CCDC38: variants seen among roughly 807,000 people sequenced by gnomAD.
CCDC38 encodes the protein coiled-coil domain-containing protein 38.
CCDC38 carries 69 observed loss-of-function variants against 72.8 expected under a neutral mutation model. The observed-to-expected ratio is 0.95, with a 90% CI of 0.78 to 1.16. CCDC38 has a LOEUF of 1.16. CCDC38 is among the 50% of genes most tolerant of loss of function. The probability of loss-of-function intolerance (pLI) is 0.00; values close to 1 mark genes in which losing one functional copy is unlikely to be tolerated. For synonymous variants in CCDC38, 201 were observed against 213.2 expected (o/e 0.94, Z 0.50); for missense variants, 626 against 638.9 (o/e 0.98, Z 0.22).
At chr12:95,907,847 G>T (rs1348803268) in intron 4 of CCDC38, among the ~76,000 whole-genome samples, 1 of 151,394 alleles carries the variant, frequency 6.6e-6, no homozygotes, top group East Asian at 2.0e-4. Context: ...ACGATGGGTG[G>T]CCGGGCAGAG....
intron 2 of CCDC38, among the ~76,000 whole-genome samples, chr12:95,920,160 C>T (rs1049003611): frequency 3.9e-5 from 6 of 152,160 alleles, no homozygotes; most frequent in Non-Finnish European, 8.8e-5. Flanking sequence ...TCCCATGTGT[C>T]ATGGGAGGGA....
intron 5 of CCDC38, chr12:95,903,550 T>C (rs1270562955): frequency 1.5e-6 from 1 of 680,998 alleles, no homozygotes; most frequent in South Asian, 1.6e-5. Flanking sequence ...TTTTATAAAG[T>C]TGAGGAACTT....
At chr12:95,929,416 C>T (rs1467635634) in intron 2 of CCDC38, among the ~76,000 whole-genome samples, 1 of 152,198 alleles carries the variant, frequency 6.6e-6, no homozygotes, top group Non-Finnish European at 1.5e-5. Context: ...TGTGCATGCA[C>T]CCACTGACCT....
intron 1 of CCDC38, among the ~76,000 whole-genome samples, chr12:95,941,885 C>T (rs930769059): frequency 2.2e-5 from 3 of 137,950 alleles, no homozygotes; most frequent in African/African-American, 5.3e-5. Flanking sequence ...GTCTCTTTCA[C>T]TCACATTGTC....
intron 7 of CCDC38, among the ~76,000 whole-genome samples, chr12:95,896,854 A>G (rs907367612): frequency 6.6e-6 from 1 of 152,328 alleles, no homozygotes; most frequent in Non-Finnish European, 1.5e-5. Flanking sequence ...CGATCAAGTT[A>G]TCTTCAGCAA....
rs146332701 is a variant in CCDC38, at chr12:95,888,482, C to A, written c.896G>T (p.Arg299Leu). The change falls in exon 10 of 16, where the codon CGC becomes CTC. Residue 299 changes from arginine to leucine, a missense_variant. Arg to Leu is a moderately radical substitution (Grantham distance 102). Coordinates refer to ENST00000344280, the MANE Select transcript of CCDC38 (RefSeq NM_182496.3). ...CTTTGATTTCTTTTTCTCTGGAGTG[C>A]GAGTCAGGCTTCTGCTTGGCTTTCC... ...SQGKPSRSLT[R>L]TPEKKKSNLA... is the part of the protein sequence containing the mutation. 2 of 1,613,768 alleles carry A rather than the reference C, an allele frequency of 1.2e-6. No homozygotes were observed. The highest frequency in any genetic ancestry group is 1.6e-4 in the Middle Eastern group (1 of 6,074).
chr12:95,932,923 T>C (rs993694673), intron 2 of CCDC38, among the ~76,000 whole-genome samples: 1 of 152,060 alleles, frequency 6.6e-6, no homozygotes, highest in Non-Finnish European at 1.5e-5. Context: ...AGAATGGAAA[T>C]CTCAGGAACA....
intron 2 of CCDC38, among the ~76,000 whole-genome samples, chr12:95,923,639 C>T (rs550229418): frequency 6.6e-6 from 1 of 152,058 alleles, no homozygotes; most frequent in Non-Finnish European, 1.5e-5. Flanking sequence ...TGTGCTGCAC[C>T]CACTAACTCG....
At chr12:95,876,466 ATAG>A (rs2079636446) in intron 13 of CCDC38, among the ~76,000 whole-genome samples, 1 of 152,218 alleles carries the variant, frequency 6.6e-6, no homozygotes, top group East Asian at 1.9e-4. Context: ...AGTTGTGGAA[ATAG>A]TGGTGATGGT....
At chr12:95,894,953 T>G in intron 8 of CCDC38, 36 bp downstream of exon 8, 1 of 1,507,184 alleles carries the variant, frequency 6.6e-7, no homozygotes, top group Non-Finnish European at 9.1e-7. Context: ...GAGTTAGGGA[T>G]ATTTAGTTCA....
chr12:95,913,028 G>A (rs776316121), intron 4 of CCDC38, among the ~76,000 whole-genome samples: 2 of 152,144 alleles, frequency 1.3e-5, no homozygotes, highest in Non-Finnish European at 2.9e-5. Flanking sequence ...TCACACCAAT[G>A]CATTCCAGCC....
chr12:95,877,601 T>C (rs1373427771), intron 13 of CCDC38, among the ~76,000 whole-genome samples: 2 of 152,210 alleles, frequency 1.3e-5, no homozygotes, highest in African/African-American at 2.4e-5. Context: ...TCATCATTCA[T>C]TCAACAAACA....
intron 4 of CCDC38, among the ~76,000 whole-genome samples, chr12:95,911,431 C>T (rs2080093242): frequency 1.3e-5 from 2 of 152,154 alleles, no homozygotes; most frequent in Non-Finnish European, 1.5e-5. Context: ...TATCAACAGA[C>T]TAAACAGACA....
chr12:95,923,782 A>T (rs1379144796), intron 2 of CCDC38, among the ~76,000 whole-genome samples: 2 of 150,214 alleles, frequency 1.3e-5, no homozygotes, highest in African/African-American at 4.9e-5. Flanking sequence ...TATGAGTGAG[A>T]ATATGTGGTG....
At chr12:95,914,982 T>C (rs929690722) in intron 4 of CCDC38, among the ~76,000 whole-genome samples, 2 of 152,222 alleles carry the variant, frequency 1.3e-5, no homozygotes, top group East Asian at 1.9e-4. Flanking sequence ...AAGAAAAGAA[T>C]GAAAGTGCTT....
In CCDC38 at chr12:95,918,893, T is replaced by C; in HGVS notation, c.121A>G (p.Met41Val). 1 of 1,606,220 alleles carries C rather than the reference T, an allele frequency of 6.2e-7. No individual in the cohort carries two copies. The highest frequency in any genetic ancestry group is 8.5e-7 in the Non-Finnish European group (1 of 1,172,810). The change falls in exon 3 of 16, where the codon ATG becomes GTG. Residue 41 changes from methionine to valine, a missense_variant. Met to Val is a conservative substitution (Grantham distance 21, BLOSUM62 1). Transcript: ENST00000344280. Reference protein sequence around the residue: ...RDLFLVKENEMAAKETEKFMN... With the variant: ...RDLFLVKENEVAAKETEKFMN... ...AACTTTACCGTTTCCTTTGCTGCCA[T>C]TTCATTTTCTTTGACAAGAAAGAGA... is the stretch of plus-strand genomic sequence containing the variant.
intron 13 of CCDC38, among the ~76,000 whole-genome samples, chr12:95,876,624 A>C (rs1417835940): frequency 1.3e-5 from 2 of 152,140 alleles, no homozygotes; most frequent in African/African-American, 4.8e-5. Context: ...GGCTATCATC[A>C]CACCTCTTGG....
intron 5 of CCDC38, among the ~76,000 whole-genome samples, chr12:95,904,033 TA>T (rs1228560806): frequency 6.6e-6 from 1 of 151,412 alleles, no homozygotes; most frequent in Non-Finnish European, 1.5e-5. Context: ...AGAAGTTTTT[TA>T]CCTGTAAGTT....
In CCDC38 at chr12:95,919,848, G is replaced by A. The variant is rs187164109; in HGVS notation, c.38-872C>T. 2.4e-3 allele frequency among the ~76,000 whole-genome samples: 364 copies of A among 152,280 alleles called. 1 individual carries two copies. The highest frequency in any genetic ancestry group is 8.5e-3 in the African/African-American group (355 of 41,546). On this transcript the variant is annotated intron_variant, in intron 2 of 15. Coordinates refer to ENST00000344280, the MANE Select transcript of CCDC38 (RefSeq NM_182496.3). ...CAAAGATAATAAAAAGTGCTGGAGAGCATGTGGAGAAATTGGACCCAAATT... is the reference window on the plus strand; with the variant it reads ...CAAAGATAATAAAAAGTGCTGGAGAACATGTGGAGAAATTGGACCCAAATT...
Sources: gnomAD v4.1 joint callset for allele counts (sites outside exome capture counted in the v4.1 genomes callset) on GRCh38, gnomAD v4.1.1 for gene constraint, MANE v1.5 for transcripts, NCBI Gene and HGNC (gene_info 2026-07-23, HGNC 2026-07-21) for gene names.